Variants in RAB37 observed in about 807,000 individuals in gnomAD.
The protein encoded by RAB37 is RAB37, member RAS oncogene family.
Under a neutral mutation model 33.1 loss-of-function variants are expected in RAB37, and 29 were observed. That is an observed-to-expected ratio of 0.88 (90% confidence interval 0.65 to 1.20). The LOEUF (loss-of-function observed/expected upper bound fraction) is 1.20. Among genes scored for constraint, RAB37 ranks in the 50% most tolerant of loss-of-function variants. RAB37 has a pLI of 0.00. For missense variants in RAB37, 299 were observed against 301.1 expected (o/e 0.99, Z 0.05); for synonymous variants, 128 against 119.5 (o/e 1.07, Z -0.47).
chr17:74,704,272 T>A lies in RAB37; in HGVS notation c.73-24984T>A, dbSNP rs1158268975. ...AAAAAATGTGCCTAGAAAGGCTTAATCCCGTCGTGGAGGGAGCCCTGGGAG... is the reference window on the plus strand; with the variant it reads ...AAAAAATGTGCCTAGAAAGGCTTAAACCCGTCGTGGAGGGAGCCCTGGGAG... On this transcript the variant is annotated intron_variant, in intron 1 of 7. Transcript: ENST00000340415. The A allele has an allele frequency of 2.6e-5, 15 of 580,478 alleles. No homozygotes were observed. In the Middle Eastern group the frequency reaches 1.4e-3, roughly 53 times the overall value. 36.0% of individuals were successfully genotyped at this position (580,478 alleles called of 1,614,324 possible). A position where few individuals can be genotyped will look rare whatever the true frequency, so the allele number is the denominator to read the frequency against.
At chr17:74,710,704 CGAA>C (rs1567800866) in intron 1 of RAB37, among the ~76,000 whole-genome samples, 4 of 139,534 alleles carry the variant, frequency 2.9e-5, no homozygotes, top group Non-Finnish European at 3.1e-5. Context: ...ACTAAAAATA[CGAA>C]AAAAAAAAAA....
intron 1 of RAB37, among the ~76,000 whole-genome samples, chr17:74,706,282 A>AT (rs1555586594): frequency 0.037 from 5,310 of 145,082 alleles, 119 homozygotes; most frequent in African/African-American, 0.067. Context: ...GGAAAAAAAA[A>AT]ATATATATAT....
At chr17:74,721,162 C>G (rs2034234018) in intron 1 of RAB37, among the ~76,000 whole-genome samples, 1 of 152,186 alleles carries the variant, frequency 6.6e-6, no homozygotes, top group Non-Finnish European at 1.5e-5. Flanking sequence ...AGGCAACATT[C>G]AGGCAGGAAA....
chr17:74,691,479 CT>C (rs1269456370), intron 1 of RAB37, among the ~76,000 whole-genome samples: 5 of 152,086 alleles, frequency 3.3e-5, no homozygotes, highest in African/African-American at 1.2e-4. Flanking sequence ...CTGTAGACAC[CT>C]TTTTTCAAAG....
Position 74,696,147 on chromosome 17 carries a change from G to A in RAB37, c.72+24489G>A, listed in dbSNP as rs776664536. The A allele has an allele frequency of 2.6e-5, 41 of 1,575,192 alleles. No individual in the cohort carries two copies. The South Asian group carries it at 4.0e-4, about 15-fold the overall frequency. On this transcript the variant is annotated intron_variant, in intron 1 of 7. Coordinates refer to the RAB37 transcript ENST00000340415. Reference sequence around the variant, plus strand: ...CTGAGAGATGGAAAATGAGGAAGGGGAAAGAAGCTGCCTGGTCTCTCTGGT... The same window carrying A: ...CTGAGAGATGGAAAATGAGGAAGGGAAAAGAAGCTGCCTGGTCTCTCTGGT...
At chr17:74,691,319 T>A (rs2032153363) in intron 1 of RAB37, among the ~76,000 whole-genome samples, 1 of 152,044 alleles carries the variant, frequency 6.6e-6, no homozygotes, top group Non-Finnish European at 1.5e-5. Flanking sequence ...TAAGAATTAA[T>A]AATTCAAAAA....
Position 74,744,584 on chromosome 17 carries a change from G to T in RAB37, c.432+211G>T, listed in dbSNP as rs923607648. On this transcript the variant is annotated intron_variant, in intron 6 of 8. Transcript: ENST00000392613. This position sits in a 1 kb window ranked among gnomAD's most constrained non-coding sequence, Gnocchi z 4.2. ...GTTGTTGCCTGAGAAATCAAGGGGT[G>T]CCCAGTTCTCAGCCCCCATTAGAGC... 7.9e-6 allele frequency: 5 copies of T among 633,000 alleles called. No individual in the cohort carries two copies. The highest frequency in any genetic ancestry group is 3.7e-5 in the African/African-American group (2 of 54,604). The allele number at this position is 633,000 out of a possible 1,614,324, so 39.2% of individuals were successfully genotyped here.
At chr17:74,680,897 C>T (rs889847331) in intron 1 of RAB37, among the ~76,000 whole-genome samples, 1 of 152,184 alleles carries the variant, frequency 6.6e-6, no homozygotes, top group Non-Finnish European at 1.5e-5. Flanking sequence ...GGGGCAAGAA[C>T]CATGGAAGAG....
chr17:74,745,420 G>A lies in RAB37; in HGVS notation c.*9G>A. ...GCTGCTCCTTCATGTGAATCCCAGG[G>A]GGCAGAGAGGAGGCTCTGGAGGCAC... On this transcript the variant is annotated 3_prime_UTR_variant, in exon 9 of 9. Coordinates refer to ENST00000392613, the MANE Select transcript of RAB37 (RefSeq NM_001006638.3). The surrounding 1 kb of genome is among the most constrained non-coding windows in gnomAD (Gnocchi z 4.5). 6.2e-7 allele frequency: 1 copy of A among 1,608,584 alleles called. No homozygotes were observed. The highest frequency in any genetic ancestry group is 8.5e-7 in the Non-Finnish European group (1 of 1,175,130).
At position 74,744,820 on chromosome 17, in the gene RAB37, G is replaced by C. The variant is rs201066696; in HGVS notation, c.433-53G>C. 450 of 1,607,350 alleles carry C rather than the reference G, an allele frequency of 2.8e-4. No homozygotes were observed. The highest frequency in any genetic ancestry group is 3.5e-4 in the Non-Finnish European group (415 of 1,173,976). ...CGCCTGCTTCTGGGGCAAAATATGG[G>C]CCCGCTGGGGCGGAGGCCTCCTTCC... On this transcript the variant is annotated intron_variant, in intron 6 of 8. Transcript: ENST00000392613. This position sits in a 1 kb window ranked among gnomAD's most constrained non-coding sequence, Gnocchi z 4.2.
upstream of RAB37, chr17:74,737,210 T>TGGGGCGGTGGGGGGGGGGGGGGGGG: frequency 1.9e-6 from 1 of 532,624 alleles, no homozygotes; most frequent in Non-Finnish European, 3.1e-6. Flanking sequence ...GGGGCGGGGG[T>TGGGGCGGTGGGGGGGGGGGGGGGGG]GGGGCCGTTC....
intron 1 of RAB37, among the ~76,000 whole-genome samples, chr17:74,722,443 G>A (rs1489124398): frequency 6.6e-6 from 1 of 152,190 alleles, no homozygotes; most frequent in Non-Finnish European, 1.5e-5. Context: ...TGCTTCCTCA[G>A]GGAAACCTCA....
chr17:74,744,983 C>T lies in RAB37; in HGVS notation c.490-25C>T. 1.2e-6 allele frequency: 2 copies of T among 1,614,246 alleles called. No homozygotes were observed. The highest frequency in any genetic ancestry group is 1.1e-5 in the South Asian group (1 of 91,086). On this transcript the variant is annotated intron_variant, in intron 7 of 8. Transcript: ENST00000392613. This position sits in a 1 kb window ranked among gnomAD's most constrained non-coding sequence, Gnocchi z 4.2. ...AGGGTGGGGGCAACCCGACGCTGGC[C>T]CTGAGGACACTCTCTCCCGGGCAGG...
At chr17:74,689,838 C>A (rs919934022) in intron 1 of RAB37, among the ~76,000 whole-genome samples, 3 of 87,210 alleles carry the variant, frequency 3.4e-5, no homozygotes, top group African/African-American at 8.5e-5. Context: ...TTGGAGGTTG[C>A]CAACTCAGTA....
chr17:74,726,159 C>G (rs916963582), intron 1 of RAB37, among the ~76,000 whole-genome samples: 1 of 148,682 alleles, frequency 6.7e-6, no homozygotes, highest in East Asian at 2.1e-4. Context: ...AGCTTGAACT[C>G]GGGAGGCAAA....
intron 1 of RAB37, chr17:74,673,009 G>A (rs1326099471): frequency 6.6e-6 from 1 of 152,222 alleles, no homozygotes; most frequent in Non-Finnish European, 1.5e-5. Context: ...GAGAAAAAAT[G>A]TATAACAACT....
intron 1 of RAB37, among the ~76,000 whole-genome samples, chr17:74,703,706 G>A (rs937326782): frequency 6.6e-6 from 1 of 152,170 alleles, no homozygotes; most frequent in African/African-American, 2.4e-5. Context: ...TGCCCCAGAG[G>A]CTCCGGGTGC....
chr17:74,703,262 G>A (rs9675012), intron 1 of RAB37: 7 of 738,160 alleles, frequency 9.5e-6, no homozygotes, highest in South Asian at 8.6e-5. Flanking sequence ...TATGGGAAGG[G>A]GCTGCAGCCT....
chr17:74,733,479 G>A (rs142992337), upstream of RAB37, among the ~76,000 whole-genome samples: 1 of 9,198 alleles, frequency 1.1e-4, no homozygotes, highest in Non-Finnish European at 2.8e-4. Context: ...TGTGTGTGGT[G>A]TGAGGTGTGT....
Sources: gnomAD v4.1 joint callset for allele counts (sites outside exome capture counted in the v4.1 genomes callset) on GRCh38, gnomAD v4.1.1 for gene constraint, Gnocchi (gnomAD v3.1) non-coding constraint, MANE v1.5 for transcripts, NCBI Gene and HGNC (gene_info 2026-07-23, HGNC 2026-07-21) for gene names.